The following DLC1 variants were observed in gnomAD, a reference collection of about 807,000 sequenced individuals.
DLC1 encodes rho GTPase-activating protein 7.
A neutral mutation model predicts 140.3 loss-of-function variants in DLC1; 54 were observed. That is an observed-to-expected ratio of 0.38 (90% CI 0.31 to 0.48). The LOEUF (loss-of-function observed/expected upper bound fraction) is 0.48. Among genes scored for constraint, DLC1 ranks in the 20% least tolerant of loss-of-function variants. The pLI, the probability that DLC1 is intolerant of heterozygous loss-of-function variation, is 0.96. For synonymous variants in DLC1, 986 were observed against 728.1 expected (o/e 1.35, Z -5.70); for missense variants, 2,536 against 1,907.0 (o/e 1.33, Z -6.14).
chr8:13,515,514 C>G (rs1007114015), upstream of DLC1: 1 of 152,182 alleles, frequency 6.6e-6, no homozygotes, highest in African/African-American at 2.4e-5. Context: ...AAGACAGGCT[C>G]CATCTTGATC....
chr8:13,286,183 T>G (rs1221292445), intron 5 of DLC1, among the ~76,000 whole-genome samples: 1 of 152,134 alleles, frequency 6.6e-6, no homozygotes, highest in Non-Finnish European at 1.5e-5. Context: ...AAATCTGATA[T>G]CAGGAAAAAT....
intron 1 of DLC1, among the ~76,000 whole-genome samples, chr8:13,550,975 G>A (rs7832983): frequency 0.56 from 84,265 of 151,368 alleles, 23,913 homozygotes; most frequent in East Asian, 0.75. Flanking sequence ...AATTCTCAGT[G>A]AGTTTACTCT....
intron 5 of DLC1, among the ~76,000 whole-genome samples, chr8:13,251,138 C>T (rs1829986990): frequency 6.6e-6 from 1 of 152,172 alleles, no homozygotes; most frequent in Non-Finnish European, 1.5e-5. Context: ...GTGCACTCTC[C>T]TACTGGCTCT....
At chr8:13,281,212 A>G (rs1330316916) in intron 5 of DLC1, among the ~76,000 whole-genome samples, 1 of 152,166 alleles carries the variant, frequency 6.6e-6, no homozygotes, top group African/African-American at 2.4e-5. Context: ...GCAACTGGCA[A>G]TTTTACTTGT....
At chr8:13,474,177 T>C (rs552278019) in intron 2 of DLC1, among the ~76,000 whole-genome samples, 34 of 152,240 alleles carry the variant, frequency 2.2e-4, no homozygotes, top group Non-Finnish European at 4.7e-4. Flanking sequence ...GGGGATTTGG[T>C]GGCCTGTGTC....
rs1757231373 is a variant in DLC1, at chr8:13,090,461, C to T, written c.3865G>A (p.Glu1289Lys). The stretch of plus-strand genomic sequence containing the variant: ...TAGGAATTACGACATCGGCTCATTT[C>T]CTCGGGAACCTGTGCGGAACATGAC... ...ECKKLFQVPE[E>K]MSRCRNSYTE... is the part of the protein sequence containing the mutation. Residue 1289 changes from glutamate (E) to lysine (K), a missense_variant, in exon 15 of 18, where the codon GAA becomes AAA. Transcript: ENST00000276297. 9 of 1,613,944 alleles carry T rather than the reference C, an allele frequency of 5.6e-6. No individual in the cohort carries two copies. The highest frequency in any genetic ancestry group is 7.6e-6 in the Non-Finnish European group (9 of 1,180,042).
At chr8:13,316,459 T>A (rs1409800772) in intron 4 of DLC1, among the ~76,000 whole-genome samples, 2 of 152,140 alleles carry the variant, frequency 1.3e-5, no homozygotes, top group African/African-American at 4.8e-5. Flanking sequence ...TTTAACAACT[T>A]TCTTAACCCT....
At chr8:13,534,582 G>C (rs1020259700) in intron 1 of DLC1, among the ~76,000 whole-genome samples, 3 of 152,066 alleles carry the variant, frequency 2.0e-5, no homozygotes, top group Non-Finnish European at 2.9e-5. Context: ...ATATCTCTTT[G>C]CTCTGCAGAC....
At chr8:13,368,835 T>TTATTTTAAGA (rs1171157806) in intron 4 of DLC1, among the ~76,000 whole-genome samples, 2 of 152,170 alleles carry the variant, frequency 1.3e-5, no homozygotes, top group African/African-American at 4.8e-5. Flanking sequence ...GGTTATTTAT[T>TTATTTTAAGA]TATTTTAAGA....
intron 1 of DLC1, chr8:13,567,673 C>T: frequency 5.8e-6 from 9 of 1,551,824 alleles, no homozygotes; most frequent in South Asian, 2.4e-5. Flanking sequence ...ATTTCTACTC[C>T]AAGAGAGAAT....
At chr8:13,178,832 C>G (rs1265420314) in intron 5 of DLC1, among the ~76,000 whole-genome samples, 1 of 152,022 alleles carries the variant, frequency 6.6e-6, no homozygotes, top group Non-Finnish European at 1.5e-5. Flanking sequence ...TTATAAACTT[C>G]TAGTAGGAGT....
intron 2 of DLC1, among the ~76,000 whole-genome samples, chr8:13,461,681 C>A (rs919980440): frequency 2.0e-5 from 3 of 152,138 alleles, no homozygotes; most frequent in African/African-American, 7.2e-5. Context: ...CCATGCCCAT[C>A]CTCTCCGCAA....
At chr8:13,389,498 A>G (rs2117197124) in intron 4 of DLC1, among the ~76,000 whole-genome samples, 1 of 152,246 alleles carries the variant, frequency 6.6e-6, no homozygotes, top group South Asian at 2.1e-4. Flanking sequence ...GCTTGGTAAC[A>G]TGACACCATA....
chr8:13,244,774 A>T (rs560829791), intron 5 of DLC1, among the ~76,000 whole-genome samples: 2 of 152,196 alleles, frequency 1.3e-5, no homozygotes, highest in South Asian at 4.2e-4. Context: ...CTCTACTGTG[A>T]TCCAATTATA....
chr8:13,505,294 T>C (rs550460083), intron 1 of DLC1, among the ~76,000 whole-genome samples: 3 of 152,142 alleles, frequency 2.0e-5, no homozygotes, highest in African/African-American at 7.2e-5. Flanking sequence ...GGAAAATAAT[T>C]TAAGGGAGAT....
In DLC1 at chr8:13,100,746, G is replaced by C; in HGVS notation, c.1591C>G (p.Pro531Ala). The C allele has an allele frequency of 6.3e-7, 1 of 1,583,000 alleles. No homozygotes were observed. The highest frequency in any genetic ancestry group is 8.6e-7 in the Non-Finnish European group (1 of 1,165,656). The change falls in exon 9 of 18, where the codon CCT becomes GCT. Residue 531 changes from proline (P) to alanine (A), a missense_variant. Physicochemically the swap from Pro to Ala is conservative, Grantham distance 27. Transcript: ENST00000276297. ...KRSDDSDEDE[P>A]CAISGKWTFQ... is the part of the protein sequence containing the mutation. ...GTCCATTTGCCACTGATGGCACAAGGCTCATCCTCGTCTGAATCGTCACTC... is the reference window on the plus strand; with the variant it reads ...GTCCATTTGCCACTGATGGCACAAGCCTCATCCTCGTCTGAATCGTCACTC...
chr8:13,484,533 A>T (rs950024622), intron 2 of DLC1, among the ~76,000 whole-genome samples: 1 of 152,152 alleles, frequency 6.6e-6, no homozygotes, highest in African/African-American at 2.4e-5. Flanking sequence ...GCTTCAAAGT[A>T]AATTGGCTTT....
intron 12 of DLC1, among the ~76,000 whole-genome samples, chr8:13,093,276 G>C (rs548684061): frequency 6.1e-4 from 93 of 152,252 alleles, no homozygotes; most frequent in African/African-American, 2.0e-3. Context: ...TCAGCCTTGA[G>C]TACAAAATGT....
At chr8:13,596,001 A>G (rs1428130515) in intron 1 of DLC1, among the ~76,000 whole-genome samples, 1 of 152,048 alleles carries the variant, frequency 6.6e-6, no homozygotes, top group African/African-American at 2.4e-5. Flanking sequence ...CCACAAACAT[A>G]TATACATATA....
Sources: gnomAD v4.1 joint callset for allele counts (sites outside exome capture counted in the v4.1 genomes callset) on GRCh38, gnomAD v4.1.1 for gene constraint, MANE v1.5 for transcripts, NCBI Gene and HGNC (gene_info 2026-07-23, HGNC 2026-07-21) for gene names.